The following ITGA4 variants were observed in gnomAD, a reference collection of about 807,000 sequenced individuals.
ITGA4 encodes integrin subunit alpha 4, also known as integrin alpha-4.
Under a neutral mutation model 133.6 loss-of-function variants are expected in ITGA4, and 63 were observed. The observed-to-expected ratio is 0.47, with a 90% CI of 0.38 to 0.58. ITGA4 has a LOEUF of 0.58. Ranked by LOEUF, ITGA4 falls within the 20% of genes least tolerant of loss-of-function variation. The pLI is 0.00. For missense variants in ITGA4, 1,076 were observed against 1,252.7 expected (o/e 0.86, Z 2.13); for synonymous variants, 483 against 438.0 (o/e 1.10, Z -1.28).
chr2:181,494,018 T>G (rs1028104722), intron 11 of ITGA4, among the ~76,000 whole-genome samples: 1 of 152,218 alleles, frequency 6.6e-6, no homozygotes, highest in African/African-American at 2.4e-5. Flanking sequence ...TATTTTTGAT[T>G]AGAAAAATGA....
In ITGA4 at chr2:181,537,998, AAGAGAATCT is replaced by A; in HGVS notation, c.*2473_*2481del. 1 of 679,634 alleles carries A rather than the reference AAGAGAATCT, an allele frequency of 1.5e-6. No individual in the cohort carries two copies. Among genetic ancestry groups the A allele is most frequent in the East Asian group, 2.8e-5 (1 of 35,434 alleles). The allele number at this position is 679,634 out of a possible 1,614,324, so 42.1% of individuals were successfully genotyped here. A position where few individuals can be genotyped will look rare whatever the true frequency, so the allele number is the denominator to read the frequency against. On this transcript the variant is annotated 3_prime_UTR_variant, in exon 28 of 28. Transcript: ENST00000397033. ...AGGGATCTAGAGTGCCATGTTCCTC[AAGAGAATCT>A]AATGCCTGATGATCTGAGGTGGAAC... is the stretch of plus-strand genomic sequence containing the variant.
At chr2:181,480,045 A>G in intron 5 of ITGA4, 92 bp from the exon 6 acceptor site, 1 of 790,086 alleles carries the variant, frequency 1.3e-6, no homozygotes. Context: ...TGATTATTAT[A>G]AAAATATGTT....
At chr2:181,475,914 C>T (rs994505482) in intron 4 of ITGA4, 2 of 1,530,208 alleles carry the variant, frequency 1.3e-6, no homozygotes, top group Admixed American at 2.0e-5. Context: ...TGCAGCAAAA[C>T]TAAAATCCAA....
chr2:181,533,894 C>T (rs761506717), intron 25 of ITGA4, among the ~76,000 whole-genome samples: 2 of 152,086 alleles, frequency 1.3e-5, no homozygotes, highest in Non-Finnish European at 2.9e-5. Context: ...TGAGTTCATC[C>T]ACTGATTTTA....
chr2:181,498,929 G>C, intron 15 of ITGA4, 152 bp downstream of exon 15: 1 of 1,311,486 alleles, frequency 7.6e-7, no homozygotes, highest in Non-Finnish European at 9.8e-7. Context: ...TAAGGTATGA[G>C]ACAATCTCAA....
intron 15 of ITGA4, among the ~76,000 whole-genome samples, chr2:181,503,919 G>C (rs1423448613): frequency 1.3e-5 from 2 of 151,974 alleles, no homozygotes; most frequent in African/African-American, 4.8e-5. Flanking sequence ...TTTTGATTTA[G>C]GGAAACCCAA....
chr2:181,470,280 G>T (rs772526160), intron 2 of ITGA4, among the ~76,000 whole-genome samples: 1 of 151,958 alleles, frequency 6.6e-6, no homozygotes, highest in Non-Finnish European at 1.5e-5. Context: ...AAAAATATGA[G>T]ATTTTCTTGC....
intron 17 of ITGA4, among the ~76,000 whole-genome samples, chr2:181,515,943 T>C (rs1686596116): frequency 6.6e-6 from 1 of 152,036 alleles, no homozygotes; most frequent in Admixed American, 6.6e-5. Context: ...AGAACATGAG[T>C]TTCTGAAGAC....
In ITGA4 at chr2:181,463,886, A is replaced by G. The variant is rs377008708; in HGVS notation, c.319+5569A>G. Among the ~76,000 whole-genome samples, 10 of 152,150 alleles carry G rather than the reference A, an allele frequency of 6.6e-5. No homozygotes were observed. In the East Asian group the frequency reaches 1.2e-3, roughly 18 times the overall value. ...CAATGGCAAATTTCTAAGGATTCCT[A>G]CAGTTCGAGAAGTGATTAGAATAGT... is the stretch of plus-strand genomic sequence containing the variant. On this transcript the variant is annotated intron_variant, in intron 2 of 27. Coordinates refer to ENST00000397033, the MANE Select transcript of ITGA4 (RefSeq NM_000885.6).
At chr2:181,511,641 TATA>T (rs1212279020) in intron 16 of ITGA4, 55 bp from the exon 17 acceptor site, 44 of 884,288 alleles carry the variant, frequency 5.0e-5, no homozygotes, top group African/African-American at 6.8e-5. Flanking sequence ...CTTTAAAATA[TATA>T]TAAATATACT....
intron 14 of ITGA4, 84 bp downstream of exon 14, chr2:181,496,021 T>G: frequency 2.2e-6 from 3 of 1,366,872 alleles, no homozygotes; most frequent in Non-Finnish European, 2.0e-6. Flanking sequence ...CCTCACCGGT[T>G]TTCACCACGG....
At chr2:181,504,859 T>C (rs1686361274) in intron 15 of ITGA4, among the ~76,000 whole-genome samples, 1 of 151,880 alleles carries the variant, frequency 6.6e-6, no homozygotes, top group South Asian at 2.1e-4. Flanking sequence ...TGCTGTCTTT[T>C]CTCAGGAAAT....
rs1296452814 is a variant in ITGA4, at chr2:181,534,962, A to G, written c.3003+27A>G. On this transcript the variant is annotated intron_variant, in intron 27 of 27. Coordinates refer to ENST00000397033, the MANE Select transcript of ITGA4 (RefSeq NM_000885.6). ...TAAGCATTTAACAATTACCAACATT[A>G]GTCTACTAAAAATGACATTTTCTCA... The G allele has an allele frequency of 9.1e-6, 14 of 1,530,476 alleles. No individual in the cohort carries two copies. In the African/African-American group the frequency reaches 9.9e-5, roughly 11 times the overall value. 94.8% of individuals were successfully genotyped at this position (1,530,476 alleles called of 1,614,324 possible).
In ITGA4 at chr2:181,535,432, G is replaced by T; in HGVS notation, c.3004G>T (p.Ala1002Ser). ...AGTGATTATGTTATGCTATTTTCAG[G>T]CTGGCTTCTTTAAAAGACAATACAA... ...LLLISYVMWK[A>S]GFFKRQYKSI... Residue 1002 changes from alanine to serine, a missense_variant and splice_region_variant, in exon 28 of 28, where the codon GCT becomes TCT. Physicochemically the swap from Ala to Ser is moderately conservative, Grantham distance 99. Coordinates refer to ENST00000397033, the MANE Select transcript of ITGA4 (RefSeq NM_000885.6). 2 of 1,602,564 alleles carry T rather than the reference G, an allele frequency of 1.2e-6. No homozygotes were observed. Among genetic ancestry groups the T allele is most frequent in the Admixed American group, 1.7e-5 (1 of 58,066 alleles).
chr2:181,535,013 AG>A, intron 27 of ITGA4, 78 bp downstream of exon 27: 1 of 1,426,452 alleles, frequency 7.0e-7, no homozygotes, highest in Non-Finnish European at 9.3e-7. Context: ...CCAAGTTATT[AG>A]ATTTAAATAT....
chr2:181,469,868 G>T (rs1470160404), intron 2 of ITGA4, among the ~76,000 whole-genome samples: 1 of 150,288 alleles, frequency 6.7e-6, no homozygotes, highest in African/African-American at 2.4e-5. Context: ...TGAACAATGA[G>T]AACACTTGGA....
chr2:181,459,310 T>C (rs1685210150), intron 2 of ITGA4: 3 of 102,994 alleles, frequency 2.9e-5, no homozygotes, highest in Admixed American at 2.8e-4. Context: ...CAAATAAAAT[T>C]AAGTGAATGG....
intron 21 of ITGA4, among the ~76,000 whole-genome samples, chr2:181,526,330 C>G (rs1471058681): frequency 1.3e-5 from 2 of 152,158 alleles, no homozygotes; most frequent in Admixed American, 1.3e-4. Context: ...GTTAAACTGC[C>G]TAAATCTATG....
At position 181,537,231 on chromosome 2, in the gene ITGA4, G is replaced by T. The variant is rs1350028947; in HGVS notation, c.*1704G>T. ...ATTTAGAACTGTCTTCTCCAGGATG[G>T]TCTCTAAGGAAATTTACATTTGGTT... is the stretch of plus-strand genomic sequence containing the variant. On this transcript the variant is annotated 3_prime_UTR_variant, in exon 28 of 28. Transcript: ENST00000397033. The T allele has an allele frequency of 2.6e-5, 12 of 452,924 alleles. No homozygotes were observed. Among genetic ancestry groups the T allele is most frequent in the South Asian group, 1.1e-4 (7 of 64,470 alleles). 28.1% of individuals were successfully genotyped at this position (452,924 alleles called of 1,614,324 possible).
Sources: gnomAD v4.1 joint callset for allele counts (sites outside exome capture counted in the v4.1 genomes callset) on GRCh38, gnomAD v4.1.1 for gene constraint, MANE v1.5 for transcripts, NCBI Gene and HGNC (gene_info 2026-07-23, HGNC 2026-07-21) for gene names.